PRKAR1B: variants seen among roughly 807,000 people sequenced by gnomAD.
The protein encoded by PRKAR1B is protein kinase cAMP-dependent type I regulatory subunit beta.
A neutral mutation model predicts 46.5 loss-of-function variants in PRKAR1B; 22 were observed. The observed-to-expected ratio is 0.47, with a 90% CI of 0.34 to 0.68. The LOEUF (loss-of-function observed/expected upper bound fraction) is 0.68, where lower values mean the gene tolerates loss of function less well. PRKAR1B is among the 30% of genes least tolerant of loss of function. The pLI is 0.01. For synonymous variants in PRKAR1B, 259 were observed against 217.7 expected (o/e 1.19, Z -1.67); for missense variants, 445 against 535.6 (o/e 0.83, Z 1.67).
chr7:668,116 G>A (rs898962899), intron 4 of PRKAR1B, among the ~76,000 whole-genome samples: 3 of 152,212 alleles, frequency 2.0e-5, no homozygotes, highest in Non-Finnish European at 4.4e-5. Context: ...GCCAGCAGGT[G>A]TGCAAACCCT....
At chr7:691,484 C>A in intron 2 of PRKAR1B, 1 of 1,304,168 alleles carries the variant, frequency 7.7e-7, no homozygotes, top group Non-Finnish European at 1.0e-6. Flanking sequence ...GGCAGGGCCC[C>A]CCAGCGCACC....
At chr7:609,566 G>A (rs1201668296) in intron 4 of PRKAR1B, among the ~76,000 whole-genome samples, 3 of 152,306 alleles carry the variant, frequency 2.0e-5, no homozygotes, top group South Asian at 4.1e-4. Context: ...GTGACCACAC[G>A]TGTGCACCCG....
At chr7:574,776 C>G (rs953245531) in intron 9 of PRKAR1B, among the ~76,000 whole-genome samples, 1 of 152,216 alleles carries the variant, frequency 6.6e-6, no homozygotes, top group African/African-American at 2.4e-5. Flanking sequence ...AATCTCCTGA[C>G]TATAAAATAT....
chr7:568,841 C>T (rs1779326917), intron 9 of PRKAR1B, among the ~76,000 whole-genome samples: 1 of 152,184 alleles, frequency 6.6e-6, no homozygotes, highest in Admixed American at 6.5e-5. Context: ...CCACTGCATT[C>T]CACATCTGTC....
At position 677,327 on chromosome 7, in the gene PRKAR1B, C is replaced by T. The variant is rs745694488; in HGVS notation, c.349-7G>A. 55 of 1,614,028 alleles carry T rather than the reference C, an allele frequency of 3.4e-5. No homozygotes were observed. In the Middle Eastern group the frequency reaches 4.9e-4, roughly 15 times the overall value. ...TGTAGTCCTTGGGAATCACCTGAAGCGGAGCCAACACATCACCGTGTGAGC... is the reference window on the plus strand; with the variant it reads ...TGTAGTCCTTGGGAATCACCTGAAGTGGAGCCAACACATCACCGTGTGAGC... On this transcript the variant is annotated splice_region_variant and splice_polypyrimidine_tract_variant and intron_variant, in intron 3 of 10. Transcript: ENST00000537384.
chr7:602,450 G>T lies in PRKAR1B; in HGVS notation c.549+3743C>A, dbSNP rs1378274206. ...AACACCTCCCGGCCCCTTTGCCGAG[G>T]TCCTGGCCCAGGTGGGGCTCCCGGG... is the stretch of plus-strand genomic sequence containing the variant. On this transcript the variant is annotated intron_variant, in intron 6 of 10. Coordinates refer to ENST00000537384, the MANE Select transcript of PRKAR1B (RefSeq NM_001164760.2). This position sits in a 1 kb window ranked among gnomAD's most constrained non-coding sequence, Gnocchi z 6.4. 1 of 168,636 alleles carries T rather than the reference G, an allele frequency of 5.9e-6. No homozygotes were observed. Among genetic ancestry groups the T allele is most frequent in the Non-Finnish European group, 1.5e-5 (1 of 68,296 alleles). The allele number at this position is 168,636 out of a possible 1,614,324, so 10.4% of individuals were successfully genotyped here. A position where few individuals can be genotyped will look rare whatever the true frequency, so the allele number is the denominator to read the frequency against.
At chr7:562,404 C>T (rs933412886) in intron 9 of PRKAR1B, among the ~76,000 whole-genome samples, 2 of 152,204 alleles carry the variant, frequency 1.3e-5, no homozygotes, top group Non-Finnish European at 2.9e-5. Context: ...CCCAACTCCT[C>T]GTCTGCCCCC....
intron 9 of PRKAR1B, among the ~76,000 whole-genome samples, chr7:575,130 C>T (rs140040516): frequency 2.6e-4 from 40 of 152,320 alleles, no homozygotes; most frequent in Middle Eastern, 6.8e-3. Context: ...GGGGCTCAGC[C>T]GGGCGGTTCT....
chr7:571,233 C>A (rs376201318), intron 9 of PRKAR1B, among the ~76,000 whole-genome samples: 3 of 151,972 alleles, frequency 2.0e-5, no homozygotes, highest in African/African-American at 7.2e-5. Flanking sequence ...AGCCTCGCAG[C>A]GCAGGCCGGG....
intron 4 of PRKAR1B, among the ~76,000 whole-genome samples, chr7:654,600 C>CCATCACCAT (rs1236869211): frequency 6.7e-6 from 1 of 149,430 alleles, no homozygotes; most frequent in Admixed American, 6.6e-5. Flanking sequence ...ACCACCTTCA[C>CCATCACCAT]CATCACCATC....
intron 9 of PRKAR1B, among the ~76,000 whole-genome samples, chr7:563,733 TG>T (rs1291536291): frequency 6.6e-6 from 1 of 151,614 alleles, no homozygotes; most frequent in Non-Finnish European, 1.5e-5. Flanking sequence ...TGGGTCTGCT[TG>T]GAGTGTGTAT....
chr7:575,056 C>A (rs1779740079), intron 9 of PRKAR1B, among the ~76,000 whole-genome samples: 1 of 152,356 alleles, frequency 6.6e-6, no homozygotes, highest in East Asian at 1.9e-4. Flanking sequence ...AACTGAGAAG[C>A]CATTCCTGAA....
intron 4 of PRKAR1B, among the ~76,000 whole-genome samples, chr7:653,066 GCCAAGAAGGAC>G: frequency 6.6e-6 from 1 of 152,152 alleles, no homozygotes; most frequent in Admixed American, 6.5e-5. Flanking sequence ...GTGGCTGGGC[GCCAAGAAGGAC>G]CCGCTCCCAG....
intron 4 of PRKAR1B, among the ~76,000 whole-genome samples, chr7:653,065 C>T (rs28669939): frequency 0.11 from 16,379 of 152,184 alleles, 975 homozygotes; most frequent in South Asian, 0.26. Flanking sequence ...GGTGGCTGGG[C>T]GCCAAGAAGG....
chr7:656,420 GATAA>G (rs1785192570), intron 4 of PRKAR1B, among the ~76,000 whole-genome samples: 2 of 152,330 alleles, frequency 1.3e-5, no homozygotes, highest in South Asian at 2.1e-4. Context: ...TGAATGGATA[GATAA>G]ATGAATGGAT....
At chr7:683,439 A>C (rs1778814792) in intron 2 of PRKAR1B, among the ~76,000 whole-genome samples, 1 of 152,168 alleles carries the variant, frequency 6.6e-6, no homozygotes, top group South Asian at 2.1e-4. Flanking sequence ...AGATCACACC[A>C]AGGTAGAGGA....
chr7:670,537 C>T (rs945146866), intron 4 of PRKAR1B, among the ~76,000 whole-genome samples: 3 of 147,438 alleles, frequency 2.0e-5, no homozygotes, highest in Non-Finnish European at 4.5e-5. Flanking sequence ...CTCCCCGACG[C>T]CACAGCATCC....
intron 6 of PRKAR1B, among the ~76,000 whole-genome samples, chr7:604,581 A>G (rs140738979): frequency 0.12 from 18,888 of 152,098 alleles, 1,688 homozygotes; most frequent in African/African-American, 0.25. Context: ...CGTGCCCCCC[A>G]CGGGGAGGCG....
At chr7:615,085 G>T (rs908841405) in intron 4 of PRKAR1B, among the ~76,000 whole-genome samples, 9 of 150,324 alleles carry the variant, frequency 6.0e-5, no homozygotes, top group African/African-American at 2.2e-4. Context: ...TCTAAAAACA[G>T]AAAGAAGGAG....
Sources: gnomAD v4.1 joint callset for allele counts (sites outside exome capture counted in the v4.1 genomes callset) on GRCh38, gnomAD v4.1.1 for gene constraint, Gnocchi (gnomAD v3.1) non-coding constraint, MANE v1.5 for transcripts, NCBI Gene and HGNC (gene_info 2026-07-23, HGNC 2026-07-21) for gene names.